PRPF6: variants seen among roughly 807,000 people sequenced by gnomAD.
The protein encoded by PRPF6 is pre-mRNA-processing factor 6.
In PRPF6, 42 loss-of-function variants were observed where a neutral mutation model predicts 118.3. The ratio of observed to expected loss-of-function variants is 0.35; its 90% CI spans 0.28 to 0.46. The LOEUF is 0.46. Among genes scored for constraint, PRPF6 ranks in the 20% least tolerant of loss-of-function variants. PRPF6 has a pLI of 1.00. For synonymous variants in PRPF6, 481 were observed against 485.1 expected (o/e 0.99, Z 0.11); for missense variants, 662 against 1,255.7 (o/e 0.53, Z 7.15).
Position 64,028,641 on chromosome 20 carries a change from G to A in PRPF6, c.2431+72G>A. Reference sequence around the variant, plus strand: ...AAGGGGGTGCCTTGACTCCGGTAAGGGGGTGCTTCCTGGCTTCCCAGACTC... The same window carrying A: ...AAGGGGGTGCCTTGACTCCGGTAAGAGGGTGCTTCCTGGCTTCCCAGACTC... On this transcript the variant is annotated intron_variant, in intron 18 of 20. Coordinates refer to ENST00000266079, the MANE Select transcript of PRPF6 (RefSeq NM_012469.4). This position sits in a 1 kb window ranked among gnomAD's most constrained non-coding sequence, Gnocchi z 6.5. 6.4e-7 allele frequency: 1 copy of A among 1,552,404 alleles called. No individual in the cohort carries two copies. The highest frequency in any genetic ancestry group is 8.8e-7 in the Non-Finnish European group (1 of 1,139,414).
chr20:64,009,705 G>T (rs2059206999), intron 9 of PRPF6, among the ~76,000 whole-genome samples: 1 of 152,202 alleles, frequency 6.6e-6, no homozygotes. Context: ...CTGGGCAATA[G>T]AATGAGACTC....
intron 1 of PRPF6, among the ~76,000 whole-genome samples, 169 bp downstream of exon 1, chr20:63,981,485 T>A (rs1448911893): frequency 6.6e-6 from 1 of 152,198 alleles, no homozygotes; most frequent in East Asian, 1.9e-4. Context: ...CATACCTGTG[T>A]GTGCACCCTG....
chr20:64,028,469 T>C lies in PRPF6; in HGVS notation c.2340-9T>C, dbSNP rs771146445. On this transcript the variant is annotated splice_polypyrimidine_tract_variant and intron_variant, in intron 17 of 20. Transcript: ENST00000266079. This position sits in a 1 kb window ranked among gnomAD's most constrained non-coding sequence, Gnocchi z 6.5. ...CGGCTGTGGGACCTCCGGGGGCCTG[T>C]CTCCTCAGGTTGGAGTCCGTGCGGC... is the stretch of plus-strand genomic sequence containing the variant. The C allele has an allele frequency of 6.2e-7, 1 of 1,613,840 alleles. No individual in the cohort carries two copies. The highest frequency in any genetic ancestry group is 8.5e-7 in the Non-Finnish European group (1 of 1,179,982).
At position 64,026,083 on chromosome 20, in the gene PRPF6, G is replaced by A. The variant is rs1248160645; in HGVS notation, c.2028+25G>A. 3.1e-6 allele frequency: 5 copies of A among 1,598,970 alleles called. No individual in the cohort carries two copies. The highest frequency in any genetic ancestry group is 3.4e-6 in the Non-Finnish European group (4 of 1,179,458). On this transcript the variant is annotated intron_variant, in intron 15 of 20. Coordinates refer to ENST00000266079, the MANE Select transcript of PRPF6 (RefSeq NM_012469.4). This position sits in a 1 kb window ranked among gnomAD's most constrained non-coding sequence, Gnocchi z 4.4. ...GGTACGCAGTGGCAGGCAGGGCTGG[G>A]CCGTCTGGGGTGCATGGTGTGCACA...
intron 14 of PRPF6, among the ~76,000 whole-genome samples, chr20:64,024,908 C>G (rs923983574): frequency 6.6e-6 from 1 of 152,144 alleles, no homozygotes; most frequent in African/African-American, 2.4e-5. Context: ...TCGGTCCCCC[C>G]ACTCAGTGTG....
intron 12 of PRPF6, among the ~76,000 whole-genome samples, chr20:64,019,173 A>G (rs909180999): frequency 7.0e-6 from 1 of 141,976 alleles, no homozygotes; most frequent in Non-Finnish European, 1.5e-5. Context: ...ATCTTGGCTC[A>G]CTGCAACCTC....
At position 64,011,280 on chromosome 20, in the gene PRPF6, C is replaced by A. The variant is rs371579985; in HGVS notation, c.1306-5C>A. On this transcript the variant is annotated splice_polypyrimidine_tract_variant and splice_region_variant and intron_variant, in intron 10 of 20. Transcript: ENST00000266079. The surrounding 1 kb of genome is among the most constrained non-coding windows in gnomAD (Gnocchi z 6.7). ...TCTCCTTTTTCTCGTGTCCTCTCCG[C>A]GTAGCTCTGGCTTGCTCTGGCAAGG... is the stretch of plus-strand genomic sequence containing the variant. The A allele has an allele frequency of 2.5e-6, 4 of 1,613,862 alleles. No individual in the cohort carries two copies. The African/African-American group carries it at 5.3e-5, about 22-fold the overall frequency.
At position 64,028,392 on chromosome 20, in the gene PRPF6, C is replaced by A. The variant is rs2059300889; in HGVS notation, c.2340-86C>A. 2 of 1,362,394 alleles carry A rather than the reference C, an allele frequency of 1.5e-6. No individual in the cohort carries two copies. Among genetic ancestry groups the A allele is most frequent in the Non-Finnish European group, 2.1e-6 (2 of 954,124 alleles). 84.4% of individuals were successfully genotyped at this position (1,362,394 alleles called of 1,614,324 possible). On this transcript the variant is annotated intron_variant, in intron 17 of 20. Transcript: ENST00000266079. The surrounding 1 kb of genome is among the most constrained non-coding windows in gnomAD (Gnocchi z 6.5). Reference sequence around the variant, plus strand: ...TTTGCTGCTGTGACTGGGTGGAGAGCCCTTTCAGACAAGGCTTCCCAGAAG... The same window carrying A: ...TTTGCTGCTGTGACTGGGTGGAGAGACCTTTCAGACAAGGCTTCCCAGAAG...
chr20:64,004,721 G>A (rs918179123), intron 9 of PRPF6, among the ~76,000 whole-genome samples: 5 of 152,292 alleles, frequency 3.3e-5, no homozygotes, highest in Admixed American at 3.3e-4. Context: ...GATTGGGGAG[G>A]GTGCAGCATG....
intron 11 of PRPF6, 93 bp from the exon 12 acceptor site, chr20:64,016,630 C>CA: frequency 6.6e-7 from 1 of 1,524,030 alleles, no homozygotes. Flanking sequence ...TGATGTCTGT[C>CA]AGTTTTAACC....
In PRPF6 at chr20:64,029,777, T is replaced by C. The variant is rs139136713; in HGVS notation, c.2546+286T>C. On this transcript the variant is annotated intron_variant, in intron 19 of 20. Transcript: ENST00000266079. This position sits in a 1 kb window ranked among gnomAD's most constrained non-coding sequence, Gnocchi z 4.8. ...TGGGGACGCGTGTGATTCACACTGGTGCGCTGGCCGCCAGGTCAGAGACTC... is the reference window on the plus strand; with the variant it reads ...TGGGGACGCGTGTGATTCACACTGGCGCGCTGGCCGCCAGGTCAGAGACTC... 9.0e-5 allele frequency among the ~76,000 whole-genome samples: 10 copies of C among 110,832 alleles called. No individual in the cohort carries two copies. The highest frequency in any genetic ancestry group is 2.8e-4 in the African/African-American group (10 of 36,038). The allele number at this position is 110,832 out of a possible 152,430, so 72.7% of individuals were successfully genotyped here.
At position 63,986,620 on chromosome 20, in the gene PRPF6, C is replaced by T. The variant is rs199726397; in HGVS notation, c.359+1595C>T. ...TCTCCTGCCTCAGCCTCCTGAGTAG[C>T]TGGGACTACAGTTGCCCGCCACCAC... is the stretch of plus-strand genomic sequence containing the variant. On this transcript the variant is annotated intron_variant, in intron 3 of 20. Coordinates refer to ENST00000266079, the MANE Select transcript of PRPF6 (RefSeq NM_012469.4). 6.0e-5 allele frequency among the ~76,000 whole-genome samples: 9 copies of T among 150,948 alleles called. No individual in the cohort carries two copies. The East Asian group carries it at 1.9e-3, about 31-fold the overall frequency.
intron 11 of PRPF6, among the ~76,000 whole-genome samples, chr20:64,014,997 A>G (rs1317584047): frequency 6.6e-6 from 1 of 152,182 alleles, no homozygotes; most frequent in African/African-American, 2.4e-5. Flanking sequence ...TCCATGTTGT[A>G]GCATGGAGGT....
At chr20:64,005,488 C>A (rs2059186208) in intron 9 of PRPF6, among the ~76,000 whole-genome samples, 1 of 152,104 alleles carries the variant, frequency 6.6e-6, no homozygotes, top group African/African-American at 2.4e-5. Flanking sequence ...TGCCTAGTCG[C>A]CTGGTTGGAG....
rs191631579 is a variant in PRPF6, at chr20:64,029,092, G to A, written c.2432-285G>A. Among the ~76,000 whole-genome samples the A allele has an allele frequency of 1.2e-4, 18 of 152,172 alleles. No homozygotes were observed. Among genetic ancestry groups the A allele is most frequent in the Non-Finnish European group, 2.1e-4 (14 of 68,016 alleles). Reference sequence around the variant, plus strand: ...TGAGGCAGGAGAATTGCTTGAGCCCGGGAGTGGGAGGTTGCAGTGAGCTGA... The same window carrying A: ...TGAGGCAGGAGAATTGCTTGAGCCCAGGAGTGGGAGGTTGCAGTGAGCTGA... On this transcript the variant is annotated intron_variant, in intron 18 of 20. Transcript: ENST00000266079. This position sits in a 1 kb window ranked among gnomAD's most constrained non-coding sequence, Gnocchi z 4.8.
chr20:64,032,674 C>G (rs970745437), intron 20 of PRPF6, among the ~76,000 whole-genome samples, 167 bp from the exon 21 acceptor site: 5 of 152,258 alleles, frequency 3.3e-5, no homozygotes, highest in African/African-American at 1.2e-4. Flanking sequence ...CTTTGAGGAA[C>G]ACACCTGAAA....
chr20:63,992,726 C>T (rs1380787089), intron 3 of PRPF6, among the ~76,000 whole-genome samples: 3 of 151,366 alleles, frequency 2.0e-5, no homozygotes, highest in Non-Finnish European at 4.4e-5. Flanking sequence ...AGTAGACTTA[C>T]GAATGTATTT....
intron 3 of PRPF6, among the ~76,000 whole-genome samples, chr20:63,986,927 G>A (rs936597750): frequency 2.6e-5 from 4 of 151,294 alleles, no homozygotes; most frequent in African/African-American, 9.7e-5. Context: ...CCAGCACTTT[G>A]GGAGGCTGAG....
intron 3 of PRPF6, among the ~76,000 whole-genome samples, chr20:63,991,619 G>A (rs1163383607): frequency 1.3e-5 from 2 of 151,928 alleles, no homozygotes; most frequent in Non-Finnish European, 2.9e-5. Flanking sequence ...GTGAAACCCC[G>A]TCTCTACTAA....
Sources: allele counts gnomAD v4.1 joint callset (sites outside exome capture counted in the v4.1 genomes callset), GRCh38; gene constraint gnomAD v4.1.1; non-coding constraint Gnocchi (gnomAD v3.1); transcripts MANE v1.5; gene names NCBI Gene and HGNC (gene_info 2026-07-23, HGNC 2026-07-21).